Variants in RXRA observed in about 807,000 individuals in gnomAD.
RXRA encodes the protein retinoid X receptor alpha, also known as retinoic acid receptor RXR-alpha.
A neutral mutation model predicts 44.5 loss-of-function variants in RXRA; 5 were observed. The ratio of observed to expected loss-of-function variants is 0.11; its 90% CI spans 0.06 to 0.24. The LOEUF (loss-of-function observed/expected upper bound fraction) is 0.24, where lower values mean the gene tolerates loss of function less well. Among genes scored for constraint, RXRA ranks in the 10% least tolerant of loss-of-function variants. The pLI is 1.00. For missense variants in RXRA, 412 were observed against 646.5 expected, an observed-to-expected ratio of 0.64 and a Z score of 3.93; for synonymous variants, 291 against 271.4, an observed-to-expected ratio of 1.07 and a Z score of -0.71.
chr9:134,340,537 C>G (rs544239425), intron 1 of RXRA, among the ~76,000 whole-genome samples: 2 of 152,278 alleles, frequency 1.3e-5, no homozygotes, highest in African/African-American at 4.8e-5. Flanking sequence ...GGCTCACTGC[C>G]TGCCCTCTGG....
At chr9:134,370,163 C>T (rs1024397609) in intron 1 of RXRA, among the ~76,000 whole-genome samples, 10 of 152,212 alleles carry the variant, frequency 6.6e-5, no homozygotes, top group Admixed American at 5.2e-4. Context: ...GGATGACTGT[C>T]TGTCCCATGG....
At chr9:134,337,071 G>A (rs2119019075) in intron 1 of RXRA, among the ~76,000 whole-genome samples, 1 of 152,318 alleles carries the variant, frequency 6.6e-6, no homozygotes, top group African/African-American at 2.4e-5. Context: ...CCCCAGCAGT[G>A]CTCAGCGTGT....
chr9:134,424,189 C>T, intron 6 of RXRA: 1 of 985,396 alleles, frequency 1.0e-6, no homozygotes, highest in Non-Finnish European at 1.2e-6. Context: ...TGGGCACCTG[C>T]CTGTGGTCTC....
At chr9:134,415,877 C>T (rs999674697) in intron 4 of RXRA, among the ~76,000 whole-genome samples, 6 of 152,204 alleles carry the variant, frequency 3.9e-5, no homozygotes, top group Admixed American at 3.3e-4. Flanking sequence ...ACCCCATGGT[C>T]GCTGTTGCTT....
At chr9:134,420,085 G>A (rs957254935) in intron 5 of RXRA, among the ~76,000 whole-genome samples, 2 of 152,178 alleles carry the variant, frequency 1.3e-5, no homozygotes, top group African/African-American at 4.8e-5. Flanking sequence ...GAGAGTGGCC[G>A]GCTAGTGGCT....
intron 6 of RXRA, chr9:134,425,888 G>A (rs1302199691): frequency 2.0e-6 from 2 of 985,210 alleles, no homozygotes; most frequent in African/African-American, 3.5e-5. Flanking sequence ...TGTTATTACT[G>A]TCCCTTGTGC....
chr9:134,401,310 A>C, intron 1 of RXRA: 1 of 363,356 alleles, frequency 2.8e-6, no homozygotes, highest in Non-Finnish European at 5.1e-6. Context: ...TCCCAGGTGG[A>C]CGGGCCTGGA....
At chr9:134,328,341 G>A (rs901358261) in intron 1 of RXRA, among the ~76,000 whole-genome samples, 1 of 152,114 alleles carries the variant, frequency 6.6e-6, no homozygotes, top group Non-Finnish European at 1.5e-5. Context: ...GATAGTCCAC[G>A]GAGTTGGTGG....
chr9:134,425,363 G>A (rs1831414693), intron 6 of RXRA: 1 of 985,122 alleles, frequency 1.0e-6, no homozygotes, highest in African/African-American at 1.7e-5. Context: ...TGACCCTTGT[G>A]TTTGTCAGAT....
chr9:134,385,879 C>A (rs1830712644), intron 1 of RXRA, among the ~76,000 whole-genome samples: 1 of 152,254 alleles, frequency 6.6e-6, no homozygotes, highest in South Asian at 2.1e-4. Flanking sequence ...CTTGGGGCTG[C>A]CCAACGTCCG....
intron 1 of RXRA, among the ~76,000 whole-genome samples, chr9:134,357,952 G>A (rs1046384618): frequency 2.0e-5 from 3 of 152,076 alleles, no homozygotes; most frequent in African/African-American, 7.2e-5. Context: ...GGAGGAGGAG[G>A]GCAGCATCCC....
Position 134,434,127 on chromosome 9 carries a change from C to T in RXRA, c.1161C>T (p.Ala387=), listed in dbSNP as rs1190202256. The T allele has an allele frequency of 2.5e-6, 4 of 1,613,754 alleles. No homozygotes were observed. Among genetic ancestry groups the T allele is most frequent in the Non-Finnish European group, 3.4e-6 (4 of 1,179,886 alleles). The change falls in exon 9 of 10, where the codon GCC becomes GCT. Residue 387 remains alanine (A), a synonymous_variant. Coordinates refer to ENST00000481739, the MANE Select transcript of RXRA (RefSeq NM_002957.6). ...NPDSKGLSNP[A]EVEALREKVY... ...ACTCCAAGGGGCTCTCGAACCCGGCCGAGGTGGAGGCGCTGAGGGAGAAGG... is the reference window on the plus strand; with the variant it reads ...ACTCCAAGGGGCTCTCGAACCCGGCTGAGGTGGAGGCGCTGAGGGAGAAGG...
chr9:134,377,070 G>C (rs868259782), intron 1 of RXRA, among the ~76,000 whole-genome samples: 3 of 152,206 alleles, frequency 2.0e-5, no homozygotes, highest in South Asian at 4.1e-4. Flanking sequence ...GGCCGACCCT[G>C]TGAGGGGCTG....
At chr9:134,357,776 A>T (rs1810839024) in intron 1 of RXRA, among the ~76,000 whole-genome samples, 2 of 152,220 alleles carry the variant, frequency 1.3e-5, no homozygotes, top group South Asian at 4.1e-4. Flanking sequence ...CACCCGGGAA[A>T]TTACGTGTTC....
chr9:134,331,949 C>T (rs1564257056), intron 1 of RXRA, among the ~76,000 whole-genome samples: 2 of 152,360 alleles, frequency 1.3e-5, no homozygotes, highest in East Asian at 3.9e-4. Flanking sequence ...AGCCCCATTG[C>T]TGGTCTTGGC....
At chr9:134,424,009 A>G in intron 6 of RXRA, 2 of 985,342 alleles carry the variant, frequency 2.0e-6, no homozygotes, top group Non-Finnish European at 2.4e-6. Context: ...GTCCGTCGCC[A>G]TGTTTGTGTG....
intron 1 of RXRA, chr9:134,380,163 G>T: frequency 1.0e-6 from 1 of 985,468 alleles, no homozygotes; most frequent in Non-Finnish European, 1.2e-6. Context: ...AGTCAGGGCA[G>T]GTGCGTGTGT....
intron 1 of RXRA, among the ~76,000 whole-genome samples, chr9:134,338,692 C>T (rs1166358098): frequency 6.6e-6 from 1 of 152,214 alleles, no homozygotes; most frequent in Non-Finnish European, 1.5e-5. Flanking sequence ...GCTGTGAACT[C>T]ATTATCGGAG....
chr9:134,380,007 A>G (rs1237441373), intron 1 of RXRA: 1 of 985,172 alleles, frequency 1.0e-6, no homozygotes, highest in Non-Finnish European at 1.2e-6. Context: ...TTAGGGACTG[A>G]AGCCCAGCAG....
Sources: allele counts gnomAD v4.1 joint callset (sites outside exome capture counted in the v4.1 genomes callset), GRCh38; gene constraint gnomAD v4.1.1; transcripts MANE v1.5; gene names NCBI Gene and HGNC (gene_info 2026-07-23, HGNC 2026-07-21).